The following PPP1R1C variants were observed in gnomAD, a reference collection of about 807,000 sequenced individuals.
The protein encoded by PPP1R1C is protein phosphatase 1 regulatory subunit 1C.
A neutral mutation model predicts 17.4 loss-of-function variants in PPP1R1C; 15 were observed. The ratio of observed to expected loss-of-function variants is 0.86; its 90% CI spans 0.58 to 1.33. The LOEUF is 1.33. PPP1R1C is among the 40% of genes most tolerant of loss of function. The pLI is 0.00. For missense variants in PPP1R1C, 143 were observed against 130.0 expected (o/e 1.10, Z -0.48); for synonymous variants, 35 against 43.1 (o/e 0.81, Z 0.73).
chr2:181,958,318 G>A (rs893221117), intron 1 of PPP1R1C, among the ~76,000 whole-genome samples: 1 of 152,180 alleles, frequency 6.6e-6, no homozygotes, highest in Non-Finnish European at 1.5e-5. Context: ...CTTGCCCTGT[G>A]GTGGCCATAA....
chr2:182,095,821 A>G (rs976394449), intron 4 of PPP1R1C, among the ~76,000 whole-genome samples: 4 of 152,066 alleles, frequency 2.6e-5, no homozygotes, highest in Admixed American at 1.3e-4. Context: ...GTAAAACCCC[A>G]TCTCTTAGTT....
Position 182,087,140 on chromosome 2 carries a change from G to C in PPP1R1C, c.241+23349G>C, listed in dbSNP as rs770258152. On this transcript the variant is annotated intron_variant, in intron 4 of 4. Transcript: ENST00000682840. ...AGTTGTTATCATTGTTGTTTGAGCT[G>C]TCGATAGTTTTCACCTGGACTACTG... 1.8e-4 allele frequency among the ~76,000 whole-genome samples: 28 copies of C among 152,312 alleles called. 1 individual carries two copies. The highest frequency in any genetic ancestry group is 3.2e-4 in the Non-Finnish European group (22 of 68,026).
intron 4 of PPP1R1C, among the ~76,000 whole-genome samples, chr2:182,109,133 G>A (rs1393115298): frequency 6.6e-6 from 1 of 152,064 alleles, no homozygotes; most frequent in Non-Finnish European, 1.5e-5. Flanking sequence ...ATGCTTACTT[G>A]CCATCTATGT....
intron 2 of PPP1R1C, among the ~76,000 whole-genome samples, chr2:182,030,495 G>T (rs959300822): frequency 2.0e-5 from 3 of 150,562 alleles, no homozygotes; most frequent in Non-Finnish European, 3.0e-5. Flanking sequence ...GTGTGCCCCT[G>T]CTGGGGGGTG....
intron 4 of PPP1R1C, among the ~76,000 whole-genome samples, chr2:182,070,171 A>G (rs2125204014): frequency 6.6e-6 from 1 of 152,352 alleles, no homozygotes; most frequent in Non-Finnish European, 1.5e-5. Flanking sequence ...CACAGAAGGG[A>G]CAGTCATATT....
intron 4 of PPP1R1C, among the ~76,000 whole-genome samples, chr2:182,100,952 TG>T (rs1689083076): frequency 6.6e-6 from 1 of 152,074 alleles, no homozygotes; most frequent in Non-Finnish European, 1.5e-5. Flanking sequence ...CCATGTTTGG[TG>T]GTCATGAGAA....
intron 2 of PPP1R1C, among the ~76,000 whole-genome samples, chr2:181,995,397 C>T (rs1038579601): frequency 6.6e-6 from 1 of 152,138 alleles, no homozygotes; most frequent in Non-Finnish European, 1.5e-5. Context: ...ATAGCGCATC[C>T]TCCTAAGACC....
At chr2:182,071,951 C>A (rs1196173) in intron 4 of PPP1R1C, among the ~76,000 whole-genome samples, 2 of 152,114 alleles carry the variant, frequency 1.3e-5, no homozygotes, top group African/African-American at 4.8e-5. Context: ...TTTCTTGTCC[C>A]AGTCCTAGAA....
chr2:182,098,977 A>C (rs1233121317), intron 4 of PPP1R1C, among the ~76,000 whole-genome samples: 1 of 152,200 alleles, frequency 6.6e-6, no homozygotes, highest in Non-Finnish European at 1.5e-5. Flanking sequence ...TCTTCAGAAA[A>C]ATATTGTTAA....
chr2:182,080,006 G>T (rs1475376928), intron 4 of PPP1R1C, among the ~76,000 whole-genome samples: 1 of 152,166 alleles, frequency 6.6e-6, no homozygotes, highest in Non-Finnish European at 1.5e-5. Context: ...TTCAAATAAG[G>T]TCACATTCTG....
chr2:182,042,151 G>T (rs1306942883), intron 2 of PPP1R1C, among the ~76,000 whole-genome samples: 1 of 152,124 alleles, frequency 6.6e-6, no homozygotes, highest in East Asian at 1.9e-4. Flanking sequence ...TTCTGGAATA[G>T]AATAGAAAGT....
chr2:182,093,928 C>T (rs548106100), intron 4 of PPP1R1C, among the ~76,000 whole-genome samples: 206 of 152,322 alleles, frequency 1.4e-3, no homozygotes, highest in African/African-American at 4.8e-3. Context: ...CCAACTCCTG[C>T]CTGCTACCCA....
chr2:181,986,945 T>G (rs1237277035), intron 1 of PPP1R1C, among the ~76,000 whole-genome samples: 1 of 152,248 alleles, frequency 6.6e-6, no homozygotes, highest in Non-Finnish European at 1.5e-5. Flanking sequence ...TAAATTATTC[T>G]TGAATCCTTT....
chr2:181,987,070 T>A (rs16867514), intron 1 of PPP1R1C, among the ~76,000 whole-genome samples: 9,036 of 152,260 alleles, frequency 0.059, 494 homozygotes, highest in African/African-American at 0.14. Context: ...GATAAATGTA[T>A]CCTTGAACAT....
At chr2:182,096,038 A>G (rs1324198880) in intron 4 of PPP1R1C, among the ~76,000 whole-genome samples, 2 of 152,086 alleles carry the variant, frequency 1.3e-5, no homozygotes, top group Non-Finnish European at 2.9e-5. Flanking sequence ...ATAAAGAAAG[A>G]CAGATTAAAA....
rs1016847080 is a variant in PPP1R1C, at chr2:181,987,677, A to G, written c.82-162A>G. 7 of 650,828 alleles carry G rather than the reference A, an allele frequency of 1.1e-5. No homozygotes were observed. In the Admixed American group the frequency reaches 1.5e-4, roughly 14 times the overall value. 40.3% of individuals were successfully genotyped at this position (650,828 alleles called of 1,614,324 possible). On this transcript the variant is annotated intron_variant, in intron 1 of 4. Coordinates refer to ENST00000682840, the MANE Select transcript of PPP1R1C (RefSeq NM_001080545.3). ...AGACAGTTCAATTCTGTGGCTTTCT[A>G]TTATTTCAAAATAAAATTAGTGAGC...
At chr2:181,988,659 T>C (rs1274485137) in intron 2 of PPP1R1C, among the ~76,000 whole-genome samples, 1 of 152,214 alleles carries the variant, frequency 6.6e-6, no homozygotes, top group East Asian at 1.9e-4. Context: ...TTTTTGCAGG[T>C]ATAAACAATA....
At chr2:182,112,147 T>A (rs1253853243) in intron 4 of PPP1R1C, among the ~76,000 whole-genome samples, 2 of 152,184 alleles carry the variant, frequency 1.3e-5, no homozygotes, top group Admixed American at 1.3e-4. Context: ...GATTTGTACC[T>A]GTTTCTTTTT....
intron 5 of PPP1R1C, among the ~76,000 whole-genome samples, chr2:182,126,095 T>C (rs1290974471): frequency 6.6e-6 from 1 of 152,060 alleles, no homozygotes; most frequent in Admixed American, 6.6e-5. Context: ...AACTTAAGTG[T>C]AAGTATTACA....
Sources: gnomAD v4.1 joint callset for allele counts (sites outside exome capture counted in the v4.1 genomes callset) on GRCh38, gnomAD v4.1.1 for gene constraint, MANE v1.5 for transcripts, NCBI Gene and HGNC (gene_info 2026-07-23, HGNC 2026-07-21) for gene names.